Variants in TNS3 observed in about 807,000 individuals in gnomAD.
TNS3 encodes tensin-3.
A neutral mutation model predicts 140.9 loss-of-function variants in TNS3; 45 were observed. The ratio of observed to expected loss-of-function variants is 0.32; its 90% CI spans 0.25 to 0.41. The LOEUF is 0.41. Among genes scored for constraint, TNS3 ranks in the 10% least tolerant of loss-of-function variants. TNS3 has a pLI of 1.00. For missense variants in TNS3, 1,716 were observed against 1,906.7 expected (o/e 0.90, Z 1.86); for synonymous variants, 815 against 788.4 (o/e 1.03, Z -0.56).
intron 16 of TNS3, among the ~76,000 whole-genome samples, chr7:47,376,148 C>T (rs1534139): frequency 0.73 from 111,171 of 152,110 alleles, 41,367 homozygotes; most frequent in Non-Finnish European, 0.82. Context: ...AAAAGCAATA[C>T]TCAGCCCAGT....
intron 1 of TNS3, among the ~76,000 whole-genome samples, chr7:47,567,030 CAAAAAAAAAAA>C (rs541987899): frequency 3.0e-5 from 3 of 98,758 alleles, no homozygotes; most frequent in African/African-American, 4.0e-5. Context: ...GACTCCATCT[CAAAAAAAAAAA>C]AAAAAAAAAA....
At chr7:47,358,807 G>A (rs571506999) in intron 17 of TNS3, among the ~76,000 whole-genome samples, 1 of 152,226 alleles carries the variant, frequency 6.6e-6, no homozygotes, top group Non-Finnish European at 1.5e-5. Context: ...GACAGAGGGA[G>A]AGAATTCTAC....
intron 16 of TNS3, among the ~76,000 whole-genome samples, chr7:47,377,748 CTCT>C: frequency 6.7e-6 from 1 of 149,500 alleles, no homozygotes; most frequent in Admixed American, 6.7e-5. Context: ...CCTCCCTTTC[CTCT>C]TCTTCTCCCT....
At chr7:47,459,008 C>T (rs1260965451) in intron 4 of TNS3, among the ~76,000 whole-genome samples, 2 of 152,126 alleles carry the variant, frequency 1.3e-5, no homozygotes, top group Non-Finnish European at 2.9e-5. Context: ...TTTCTTCCGC[C>T]CATACTTATT....
At chr7:47,562,385 C>CTTTTTTTTTTTTT (rs11348830) in intron 1 of TNS3, among the ~76,000 whole-genome samples, 2 of 143,940 alleles carry the variant, frequency 1.4e-5, no homozygotes, top group African/African-American at 2.6e-5. Flanking sequence ...CATCTGCTGC[C>CTTTTTTTTTTTTT]TTTTTTTTTT....
chr7:47,383,222 C>T (rs1791877250), intron 16 of TNS3, among the ~76,000 whole-genome samples: 2 of 152,116 alleles, frequency 1.3e-5, no homozygotes, highest in African/African-American at 2.4e-5. Context: ...CAGTGGCACA[C>T]CACAGCCATG....
intron 1 of TNS3, among the ~76,000 whole-genome samples, chr7:47,546,476 G>T (rs547482894): frequency 1.3e-5 from 2 of 152,112 alleles, no homozygotes; most frequent in Non-Finnish European, 2.9e-5. Flanking sequence ...CCCCTCCCCA[G>T]GTGGCCCAGG....
chr7:47,473,062 A>G (rs183920771), intron 4 of TNS3, among the ~76,000 whole-genome samples: 1 of 151,998 alleles, frequency 6.6e-6, no homozygotes, highest in East Asian at 1.9e-4. Flanking sequence ...CTCCCACCCG[A>G]CTGCTCAGCA....
At chr7:47,401,065 G>C (rs1584572553) in intron 13 of TNS3, 151 bp from the exon 14 acceptor site, 1 of 1,174,694 alleles carries the variant, frequency 8.5e-7, no homozygotes, top group African/African-American at 1.5e-5. Context: ...TTCAGCCCTG[G>C]GGCACAGGCG....
At chr7:47,408,969 A>G (rs1420949516) in intron 13 of TNS3, among the ~76,000 whole-genome samples, 3 of 152,032 alleles carry the variant, frequency 2.0e-5, no homozygotes, top group Non-Finnish European at 4.4e-5. Flanking sequence ...CATGTCCCCA[A>G]CGGGATCCTC....
At chr7:47,420,362 G>A (rs1429813557) in intron 10 of TNS3, among the ~76,000 whole-genome samples, 1 of 152,134 alleles carries the variant, frequency 6.6e-6, no homozygotes, top group Non-Finnish European at 1.5e-5. Context: ...GTTTCCTGAT[G>A]GTCCACGCCT....
chr7:47,385,790 C>T (rs1792040285), intron 16 of TNS3, among the ~76,000 whole-genome samples: 1 of 152,168 alleles, frequency 6.6e-6, no homozygotes, highest in Non-Finnish European at 1.5e-5. Flanking sequence ...GCCGCTTTTC[C>T]TTCTGCCTCA....
intron 27 of TNS3, among the ~76,000 whole-genome samples, chr7:47,286,768 A>T (rs1204639274): frequency 6.6e-6 from 1 of 152,212 alleles, no homozygotes; most frequent in Non-Finnish European, 1.5e-5. Flanking sequence ...GTAAATGAAC[A>T]TCCATAAGGA....
intron 4 of TNS3, among the ~76,000 whole-genome samples, chr7:47,445,238 C>A (rs912415474): frequency 1.3e-5 from 2 of 152,186 alleles, no homozygotes; most frequent in African/African-American, 2.4e-5. Flanking sequence ...ACAGGTCTGG[C>A]CACCTCCAAG....
At chr7:47,509,491 G>A (rs936838536) in intron 2 of TNS3, among the ~76,000 whole-genome samples, 7 of 152,102 alleles carry the variant, frequency 4.6e-5, no homozygotes, top group Admixed American at 3.3e-4. Flanking sequence ...CTTGCTCCTC[G>A]TAAGCACCTC....
At chr7:47,297,029 C>G (rs1477181025) in intron 24 of TNS3, 53 bp downstream of exon 24, 1 of 1,579,412 alleles carries the variant, frequency 6.3e-7, no homozygotes, top group Non-Finnish European at 8.6e-7. Flanking sequence ...AATAAACCAA[C>G]AGAGTTTCTC....
chr7:47,341,485 T>G (rs1789016978), intron 20 of TNS3, among the ~76,000 whole-genome samples: 1 of 152,220 alleles, frequency 6.6e-6, no homozygotes, highest in African/African-American at 2.4e-5. Context: ...GGAACTGGTC[T>G]ATTTAACCTA....
In TNS3 at chr7:47,303,312, G is replaced by A. The variant is rs772129360; in HGVS notation, c.3095C>T (p.Pro1032Leu). Residue 1032 changes from proline to leucine, a missense_variant, in exon 22 of 31, where the codon CCG becomes CTG. Physicochemically the swap from Pro to Leu is moderately conservative, Grantham distance 98. Transcript: ENST00000311160. ...CAAGGCCCCCAGGTCCTCCTCGGGC[G>A]GAAGGCCACTTCCCACTGGGGCGGT... ...FGTAPVGSGL[P>L]PEEDLGALLA... is the part of the protein sequence containing the mutation. 1.9e-5 allele frequency: 30 copies of A among 1,613,176 alleles called. No individual in the cohort carries two copies. The highest frequency in any genetic ancestry group is 8.0e-5 in the African/African-American group (6 of 74,938).
intron 9 of TNS3, among the ~76,000 whole-genome samples, chr7:47,426,444 A>G (rs1794654440): frequency 6.6e-6 from 1 of 152,204 alleles, no homozygotes; most frequent in African/African-American, 2.4e-5. Context: ...AAGTCACAAA[A>G]AGCATGTGGT....
Sources: gnomAD v4.1 joint callset for allele counts (sites outside exome capture counted in the v4.1 genomes callset) on GRCh38, gnomAD v4.1.1 for gene constraint, MANE v1.5 for transcripts, NCBI Gene and HGNC (gene_info 2026-07-23, HGNC 2026-07-21) for gene names.